The following SCAMP1 variants were observed in gnomAD, a reference collection of about 807,000 sequenced individuals.
SCAMP1 encodes secretory carrier membrane protein 1.
Under a neutral mutation model 41.8 loss-of-function variants are expected in SCAMP1, and 15 were observed. That is an observed-to-expected ratio of 0.36 (90% CI 0.24 to 0.55). The LOEUF (loss-of-function observed/expected upper bound fraction) is 0.55, where lower values mean the gene tolerates loss of function less well. SCAMP1 is among the 20% of genes least tolerant of loss of function. The pLI, the probability that SCAMP1 is intolerant of heterozygous loss-of-function variation, is 0.86. For missense variants in SCAMP1, 341 were observed against 412.6 expected (o/e 0.83, Z 1.50); for synonymous variants, 135 against 136.8 (o/e 0.99, Z 0.09).
intron 2 of SCAMP1, among the ~76,000 whole-genome samples, chr5:78,404,473 T>TTTTTTTTTTTTG (rs1751883665): frequency 7.6e-6 from 1 of 131,532 alleles, no homozygotes. Flanking sequence ...TTTTTTTTTT[T>TTTTTTTTTTTTG]GCTAGGCTGA....
intron 6 of SCAMP1, among the ~76,000 whole-genome samples, chr5:78,424,161 C>T (rs1752409160): frequency 6.6e-6 from 1 of 151,840 alleles, no homozygotes; most frequent in Non-Finnish European, 1.5e-5. Context: ...CAGACATGAG[C>T]CACTGCGCCC....
intron 2 of SCAMP1, among the ~76,000 whole-genome samples, chr5:78,414,373 C>T (rs1386845593): frequency 2.6e-5 from 4 of 152,156 alleles, no homozygotes; most frequent in African/African-American, 9.6e-5. Flanking sequence ...ACCTCCGCCT[C>T]CCGGGTTCAA....
chr5:78,373,091 TCTTAC>T (rs1163440862), intron 1 of SCAMP1, among the ~76,000 whole-genome samples: 1 of 152,084 alleles, frequency 6.6e-6, no homozygotes. Context: ...GAGCCCACCT[TCTTAC>T]CTTCTCCCCT....
intron 8 of SCAMP1, among the ~76,000 whole-genome samples, chr5:78,463,426 AC>A (rs1753665963): frequency 6.6e-6 from 1 of 152,152 alleles, no homozygotes; most frequent in Admixed American, 6.5e-5. Context: ...TTTCTTCTCT[AC>A]CTAGATGACC....
intron 2 of SCAMP1, among the ~76,000 whole-genome samples, chr5:78,395,033 C>T (rs1751616260): frequency 1.3e-5 from 2 of 152,166 alleles, no homozygotes; most frequent in South Asian, 4.1e-4. Flanking sequence ...TATACTGTGA[C>T]TGGACTTATT....
intron 1 of SCAMP1, among the ~76,000 whole-genome samples, chr5:78,369,775 C>T (rs766401540): frequency 4.6e-5 from 7 of 152,188 alleles, no homozygotes. Flanking sequence ...ATCAGTTCAG[C>T]TAGAGAGGAT....
intron 6 of SCAMP1, among the ~76,000 whole-genome samples, chr5:78,429,458 C>T (rs972231350): frequency 6.6e-6 from 1 of 151,236 alleles, no homozygotes; most frequent in Admixed American, 6.6e-5. Flanking sequence ...TCCACTTACT[C>T]TGTTAATATG....
At chr5:78,409,242 G>C (rs1278372605) in intron 2 of SCAMP1, among the ~76,000 whole-genome samples, 1 of 152,022 alleles carries the variant, frequency 6.6e-6, no homozygotes, top group Admixed American at 6.6e-5. Flanking sequence ...AGGATTTCTT[G>C]TTGCGTTAGT....
At chr5:78,460,782 T>TTCCTTCCTTTGGTTTCTTTTC (rs1753572461) in intron 8 of SCAMP1, among the ~76,000 whole-genome samples, 2 of 45,100 alleles carry the variant, frequency 4.4e-5, no homozygotes, top group African/African-American at 3.1e-4. Context: ...CCTTCCTTCC[T>TTCCTTCCTTTGGTTTCTTTTC]TCCTTCCTTC....
intron 7 of SCAMP1, among the ~76,000 whole-genome samples, chr5:78,454,905 G>C (rs1753346344): frequency 6.6e-6 from 1 of 152,120 alleles, no homozygotes; most frequent in African/African-American, 2.4e-5. Context: ...TCCTGGTTTA[G>C]TCTTGGGAGA....
At chr5:78,417,113 CA>C (rs1292281233) in intron 4 of SCAMP1, among the ~76,000 whole-genome samples, 1 of 152,082 alleles carries the variant, frequency 6.6e-6, no homozygotes. Flanking sequence ...CATATGATGC[CA>C]AAGAAATAAG....
chr5:78,396,022 G>C (rs1751642009), intron 2 of SCAMP1, among the ~76,000 whole-genome samples: 1 of 152,132 alleles, frequency 6.6e-6, no homozygotes, highest in Admixed American at 6.5e-5. Context: ...ATAAGATATG[G>C]TATATTAGGA....
rs944935578 is a variant in SCAMP1, at chr5:78,476,564, T to A, written c.*896T>A. ...TATATTCTGTGGTTACAACTAAGATTGTGTCTGGCAGCTCTTTTTTGGGGA... is the reference window on the plus strand; with the variant it reads ...TATATTCTGTGGTTACAACTAAGATAGTGTCTGGCAGCTCTTTTTTGGGGA... On this transcript the variant is annotated 3_prime_UTR_variant, in exon 9 of 9. Transcript: ENST00000621999. 1 of 152,592 alleles carries A rather than the reference T, an allele frequency of 6.6e-6. No homozygotes were observed. The highest frequency in any genetic ancestry group is 1.5e-5 in the Non-Finnish European group (1 of 67,988). 9.5% of individuals were successfully genotyped at this position (152,592 alleles called of 1,614,324 possible). A position where few individuals can be genotyped will look rare whatever the true frequency, so the allele number is the denominator to read the frequency against.
chr5:78,469,919 A>C (rs866591241), intron 8 of SCAMP1, among the ~76,000 whole-genome samples: 24 of 23,724 alleles, frequency 1.0e-3, no homozygotes, highest in Middle Eastern at 0.043. Context: ...AAAACAAAAA[A>C]AAAAAAAAAA....
intron 7 of SCAMP1, among the ~76,000 whole-genome samples, chr5:78,453,541 C>G (rs1245359956): frequency 4.0e-5 from 6 of 151,594 alleles, no homozygotes; most frequent in Non-Finnish European, 7.4e-5. Context: ...TTCCATTGAT[C>G]TATATCTCTG....
chr5:78,423,972 GTA>G (rs1246290785), intron 6 of SCAMP1, among the ~76,000 whole-genome samples: 1 of 151,922 alleles, frequency 6.6e-6, no homozygotes, highest in Non-Finnish European at 1.5e-5. Context: ...AGCCTCTCAG[GTA>G]GCTGGGATTA....
chr5:78,458,553 T>C (rs1310786552), intron 7 of SCAMP1, among the ~76,000 whole-genome samples: 1 of 152,232 alleles, frequency 6.6e-6, no homozygotes, highest in African/African-American at 2.4e-5. Context: ...AAATATCTTC[T>C]TTCATAATTC....
chr5:78,401,710 T>A (rs1216109539), intron 2 of SCAMP1, among the ~76,000 whole-genome samples: 1 of 152,146 alleles, frequency 6.6e-6, no homozygotes, highest in African/African-American at 2.4e-5. Flanking sequence ...GTAATTTGTG[T>A]CCTCCCTTTT....
At chr5:78,389,291 ACC>A in intron 2 of SCAMP1, among the ~76,000 whole-genome samples, 1 of 152,154 alleles carries the variant, frequency 6.6e-6, no homozygotes, top group Non-Finnish European at 1.5e-5. Flanking sequence ...GTAGAACTGT[ACC>A]ATGAATGTTT....
Sources: allele counts gnomAD v4.1 joint callset (sites outside exome capture counted in the v4.1 genomes callset), GRCh38; gene constraint gnomAD v4.1.1; transcripts MANE v1.5; gene names NCBI Gene and HGNC (gene_info 2026-07-23, HGNC 2026-07-21).